GPR179: variants seen among roughly 807,000 people sequenced by gnomAD.
The protein encoded by GPR179 is probable G protein-coupled receptor 179.
Under a neutral mutation model 70.8 loss-of-function variants are expected in GPR179, and 52 were observed. The observed-to-expected ratio is 0.73, with a 90% confidence interval of 0.59 to 0.93. The LOEUF (loss-of-function observed/expected upper bound fraction) is 0.93, where lower values mean the gene tolerates loss of function less well. Ranked by LOEUF, GPR179 falls within the 40% of genes least tolerant of loss-of-function variation. The probability of loss-of-function intolerance (pLI) is 0.00; values close to 1 mark genes in which losing one functional copy is unlikely to be tolerated. For synonymous variants in GPR179, 1,123 were observed against 1,169.0 expected, an observed-to-expected ratio of 0.96 and a Z score of 0.80; for missense variants, 2,734 against 2,966.8, an observed-to-expected ratio of 0.92 and a Z score of 1.82.
Position 38,326,616 on chromosome 17 carries a change from A to G in GPR179, c.6953T>C (p.Leu2318Pro), listed in dbSNP as rs765067426. 17 of 1,614,134 alleles carry G rather than the reference A, an allele frequency of 1.1e-5. No individual in the cohort carries two copies. Among genetic ancestry groups the G allele is most frequent in the Non-Finnish European group, 1.4e-5 (16 of 1,180,058 alleles). The change falls in exon 11 of 11, where the codon CTT (leucine) becomes CCT (proline). Residue 2318 changes from leucine to proline, a missense_variant. Coordinates refer to ENST00000616987, the MANE Select transcript of GPR179 (RefSeq NM_001004334.4). ...GVRELQGPSG[L>P]EPRTSLAPEP... ...TGGGGCTAAGCTGGTCCTTGGCTCA[A>G]GCCCTGAAGGTCCTTGTAGTTCTCT...
chr17:38,334,826 C>G lies in GPR179; in HGVS notation c.1662G>C (p.Leu554=), dbSNP rs755572500. The change falls in exon 8 of 11, where the codon CTG becomes CTC. Residue 554 remains leucine (L), a synonymous_variant. Coordinates refer to ENST00000616987, the MANE Select transcript of GPR179 (RefSeq NM_001004334.4). This position sits in a 1 kb window ranked among gnomAD's most constrained non-coding sequence, Gnocchi z 4.7. ...YIMVVAELLL[L]CWGSFLCYAT... ...CGTAGCAGAGGAAGCTGCCCCAGCACAGCAGCAGCAGCTCAGCTGTGGGGA... is the reference window on the plus strand; with the variant it reads ...CGTAGCAGAGGAAGCTGCCCCAGCAGAGCAGCAGCAGCTCAGCTGTGGGGA... 3.7e-6 allele frequency: 6 copies of G among 1,611,460 alleles called. No homozygotes were observed. In the African/African-American group the frequency reaches 8.0e-5, roughly 22 times the overall value.
Position 38,327,035 on chromosome 17 carries a change from C to T in GPR179, c.6534G>A (p.Glu2178=). ...HFSKAAAKPR[E]QEAVCPGEGT... ...CTTCCCCAGGGCAGACTGCCTCCTGCTCTCTGGGCTTTGCTGCTGCTTTTG... is the reference window on the plus strand; with the variant it reads ...CTTCCCCAGGGCAGACTGCCTCCTGTTCTCTGGGCTTTGCTGCTGCTTTTG... Residue 2178 remains glutamate (E), a synonymous_variant, in exon 11 of 11, where the codon GAG becomes GAA. Coordinates refer to ENST00000616987, the MANE Select transcript of GPR179 (RefSeq NM_001004334.4). 1.2e-6 allele frequency: 2 copies of T among 1,614,230 alleles called. No homozygotes were observed. The highest frequency in any genetic ancestry group is 1.3e-5 in the African/African-American group (1 of 75,076).
intron 1 of GPR179, among the ~76,000 whole-genome samples, chr17:38,340,638 C>T (rs566136166): frequency 1.3e-5 from 2 of 150,798 alleles, no homozygotes; most frequent in Non-Finnish European, 3.0e-5. Flanking sequence ...GCTAAATAGG[C>T]GGGGTGCAGT....
At position 38,335,744 on chromosome 17, in the gene GPR179, G is replaced by T. The variant is rs2037399385; in HGVS notation, c.1297-44C>A. On this transcript the variant is annotated intron_variant, in intron 5 of 10. Transcript: ENST00000616987. Reference sequence around the variant, plus strand: ...AATCTCTGCTCTCTACTATGCTTCTGCTGTGGGCCAGGCCTATGCTAAGCA... The same window carrying T: ...AATCTCTGCTCTCTACTATGCTTCTTCTGTGGGCCAGGCCTATGCTAAGCA... 4 of 1,314,716 alleles carry T rather than the reference G, an allele frequency of 3.0e-6. No homozygotes were observed. The East Asian group carries it at 6.9e-5, about 23-fold the overall frequency. The allele number at this position is 1,314,716 out of a possible 1,614,324, so 81.4% of individuals were successfully genotyped here.
Position 38,326,992 on chromosome 17 carries a change from G to C in GPR179, c.6577C>G (p.Leu2193Val). 6.2e-7 allele frequency: 1 copy of C among 1,614,104 alleles called. No homozygotes were observed. ...CPGEGTGSGG[L>V]LPQSGALDPE... ...TCCAGGGCACCTGACTGGGGCAAGAGCCCTCCTGAGCCTGTGCCTTCCCCA... is the reference window on the plus strand; with the variant it reads ...TCCAGGGCACCTGACTGGGGCAAGACCCCTCCTGAGCCTGTGCCTTCCCCA... The change falls in exon 11 of 11, where the codon CTC becomes GTC. Residue 2193 changes from leucine (L) to valine (V), a missense_variant. Transcript: ENST00000616987.
Position 38,331,170 on chromosome 17 carries a change from C to A in GPR179, c.2399G>T (p.Arg800Leu), listed in dbSNP as rs757083724. ...CTCCACCGACTCCCGGCTCTCTGTTCGAGAGGCCTTCTTGGCCAGCTTCCT... is the reference window on the plus strand; with the variant it reads ...CTCCACCGACTCCCGGCTCTCTGTTAGAGAGGCCTTCTTGGCCAGCTTCCT... ...LRRKLAKKASRTESRESVEGP... is the reference protein window; with the variant it reads ...LRRKLAKKASLTESRESVEGP... Residue 800 changes from arginine to leucine, a missense_variant, in exon 11 of 11, where the codon CGA (arginine) becomes CTA (leucine). Coordinates refer to ENST00000616987, the MANE Select transcript of GPR179 (RefSeq NM_001004334.4). The A allele has an allele frequency of 6.2e-7, 1 of 1,608,478 alleles. No homozygotes were observed.
In GPR179 at chr17:38,326,394, A is replaced by G; in HGVS notation, c.*71T>C. On this transcript the variant is annotated 3_prime_UTR_variant, in exon 11 of 11. Transcript: ENST00000616987. ...GCTGTCTTTGATTCAGCTCTTTGGG[A>G]ACACCTGGACTTGGAAAGGGCCTTG... is the stretch of plus-strand genomic sequence containing the variant. 1 of 1,200,664 alleles carries G rather than the reference A, an allele frequency of 8.3e-7. No homozygotes were observed. The highest frequency in any genetic ancestry group is 2.3e-5 in the East Asian group (1 of 42,632). The allele number at this position is 1,200,664 out of a possible 1,614,324, so 74.4% of individuals were successfully genotyped here. A position where few individuals can be genotyped will look rare whatever the true frequency, so the allele number is the denominator to read the frequency against.
rs752387073 is a variant in GPR179 at position 38,329,584 on chromosome 17, C to T, written c.3985G>A (p.Gly1329Arg). The T allele has an allele frequency of 1.3e-5, 21 of 1,614,080 alleles. No individual in the cohort carries two copies. The East Asian group carries it at 4.0e-4, about 31-fold the overall frequency. Reference protein sequence around the residue: ...AVCPWESADRGGLSPGSAPQD... With the variant: ...AVCPWESADRRGLSPGSAPQD... ...GGAGCTGACCCAGGGGACAGACCTC[C>T]TCGATCGGCACTCTCCCAGGGACAC... The change falls in exon 11 of 11, where the codon GGA becomes AGA. Residue 1329 changes from glycine to arginine, a missense_variant. Gly to Arg is a moderately radical substitution (Grantham distance 125, BLOSUM62 -2). Coordinates refer to ENST00000616987, the MANE Select transcript of GPR179 (RefSeq NM_001004334.4).
Position 38,343,791 on chromosome 17 carries a change from C to G in GPR179, c.-2G>C. 1 of 1,496,590 alleles carries G rather than the reference C, an allele frequency of 6.7e-7. No individual in the cohort carries two copies. The highest frequency in any genetic ancestry group is 8.9e-7 in the Non-Finnish European group (1 of 1,126,366). The allele number at this position is 1,496,590 out of a possible 1,614,324, so 92.7% of individuals were successfully genotyped here. On this transcript the variant is annotated 5_prime_UTR_variant, in exon 1 of 11. Transcript: ENST00000616987. This position sits in a 1 kb window ranked among gnomAD's most constrained non-coding sequence, Gnocchi z 4.2. ...CATGACCGCTCCCCTGGTGCCCATCCTTGGGGCAGCTCTCAGGACCCTGGG... is the reference window on the plus strand; with the variant it reads ...CATGACCGCTCCCCTGGTGCCCATCGTTGGGGCAGCTCTCAGGACCCTGGG...
chr17:38,337,859 C>T (rs1019246788), intron 2 of GPR179, 139 bp from the exon 3 acceptor site: 2 of 693,630 alleles, frequency 2.9e-6, no homozygotes, highest in African/African-American at 3.7e-5. Flanking sequence ...TCCAGAAGCC[C>T]TCTCTAGTCC....
rs1251555533 is a variant in GPR179 at position 38,328,897 on chromosome 17, C to A, written c.4672G>T (p.Gly1558Cys). ...PCLDNSSSKA[G>C]SQFLCNGGSR... ...CCTCCATTGCATAGGAATTGGCTAC[C>A]AGCTTTGGATGAGGAATTGTCTAGA... is the stretch of plus-strand genomic sequence containing the variant. Residue 1558 changes from glycine (G) to cysteine (C), a missense_variant, in exon 11 of 11, where the codon GGT becomes TGT. By Grantham distance (159) the Gly-to-Cys change is radical. Coordinates refer to ENST00000616987, the MANE Select transcript of GPR179 (RefSeq NM_001004334.4). 2 of 1,614,056 alleles carry A rather than the reference C, an allele frequency of 1.2e-6. No individual in the cohort carries two copies. Among genetic ancestry groups the A allele is most frequent in the South Asian group, 2.2e-5 (2 of 91,080 alleles).
At chr17:38,341,843 T>C (rs1489352577) in intron 1 of GPR179, among the ~76,000 whole-genome samples, 1 of 151,926 alleles carries the variant, frequency 6.6e-6, no homozygotes, top group Admixed American at 6.6e-5. Flanking sequence ...TTCCGCTGGG[T>C]GTGGTGGCTC....
At chr17:38,336,737 G>A (rs1487031762) in intron 4 of GPR179, among the ~76,000 whole-genome samples, 1 of 152,188 alleles carries the variant, frequency 6.6e-6, no homozygotes, top group Non-Finnish European at 1.5e-5. Flanking sequence ...TTTGAGCCTA[G>A]GCAGTGTTTT....
rs1439821950 is a variant in GPR179, at chr17:38,335,192, G to A, written c.1486C>T (p.Leu496=). Residue 496 remains leucine, a synonymous_variant, in exon 7 of 11, where the codon CTG becomes TTG. Transcript: ENST00000616987. ...AAGCCCAGCACAGGTAGCAGGAGCA[G>A]CCCCAGGTGCCGCAGCAGCCGCCCG... The part of the protein sequence containing the change: ...SSGRLLRHLG[L]LLLPVLGFLA... The A allele has an allele frequency of 2.6e-6, 4 of 1,562,988 alleles. No individual in the cohort carries two copies. In the Admixed American group the frequency reaches 5.8e-5, roughly 23 times the overall value.
rs969257993 is a variant in GPR179, at chr17:38,334,154, C to T, written c.1785-116G>A. ...CCCTGATACGCTTAGGACGAGGGGG[C>T]ATTCTGCCCTCTCCTGCCCTCTCCA... On this transcript the variant is annotated intron_variant, in intron 8 of 10. Coordinates refer to ENST00000616987, the MANE Select transcript of GPR179 (RefSeq NM_001004334.4). The surrounding 1 kb of genome is among the most constrained non-coding windows in gnomAD (Gnocchi z 4.7). 2 of 763,244 alleles carry T rather than the reference C, an allele frequency of 2.6e-6. No individual in the cohort carries two copies. Among genetic ancestry groups the T allele is most frequent in the South Asian group, 1.5e-5 (1 of 67,486 alleles). The allele number at this position is 763,244 out of a possible 1,614,324, so 47.3% of individuals were successfully genotyped here. A position where few individuals can be genotyped will look rare whatever the true frequency, so the allele number is the denominator to read the frequency against.
rs552087722 is a variant in GPR179 at position 38,343,370 on chromosome 17, C to T, written c.420G>A (p.Gly140=). 1 of 1,614,168 alleles carries T rather than the reference C, an allele frequency of 6.2e-7. No homozygotes were observed. The highest frequency in any genetic ancestry group is 1.1e-5 in the South Asian group (1 of 91,088). The change falls in exon 1 of 11, where the codon GGG becomes GGA. Residue 140 remains glycine, a synonymous_variant. Transcript: ENST00000616987. This position sits in a 1 kb window ranked among gnomAD's most constrained non-coding sequence, Gnocchi z 4.2. Reference sequence around the variant, plus strand: ...GCAAAGCCCTGTACACTCTTGGGTCCCCCTCGGCCACGCTGCGGACCAGTG... The same window carrying T: ...GCAAAGCCCTGTACACTCTTGGGTCTCCCTCGGCCACGCTGCGGACCAGTG... ...YQALVRSVAE[G]DPRVYRALLT...
rs2037272750 is a variant in GPR179, at chr17:38,325,041, T to A, written c.*1424A>T. 6.6e-6 allele frequency among the ~76,000 whole-genome samples: 1 copy of A among 152,172 alleles called. No individual in the cohort carries two copies. Among genetic ancestry groups the A allele is most frequent in the Non-Finnish European group, 1.5e-5 (1 of 68,036 alleles). ...TGTACTGTTGTACTGTTAGAGGGCG[T>A]GACTTACTGCCATCTTTAGTGCCCC... On this transcript the variant is annotated 3_prime_UTR_variant, in exon 11 of 11. Coordinates refer to ENST00000616987, the MANE Select transcript of GPR179 (RefSeq NM_001004334.4).
rs748850458 is a variant in GPR179, at chr17:38,339,519, C to T, written c.801G>A (p.Gln267=). 1 of 1,612,954 alleles carries T rather than the reference C, an allele frequency of 6.2e-7. No individual in the cohort carries two copies. Among genetic ancestry groups the T allele is most frequent in the South Asian group, 1.1e-5 (1 of 91,050 alleles). ...KPDLSPEVRG[Q]VQMDVDLQSV... is the part of the protein sequence containing the mutation. ...TCTGGAGATCTACGTCCATCTGCACCTGCCCCCTACGGCAGTGAATTGGCA... is the reference window on the plus strand; with the variant it reads ...TCTGGAGATCTACGTCCATCTGCACTTGCCCCCTACGGCAGTGAATTGGCA... Residue 267 remains glutamine (Q), a synonymous_variant, in exon 2 of 11, where the codon CAG becomes CAA. Coordinates refer to ENST00000616987, the MANE Select transcript of GPR179 (RefSeq NM_001004334.4).
chr17:38,331,177 C>G lies in GPR179; in HGVS notation c.2392G>C (p.Ala798Pro), dbSNP rs78470373. 8 of 1,608,522 alleles carry G rather than the reference C, an allele frequency of 5.0e-6. No homozygotes were observed. In the East Asian group the frequency reaches 6.7e-5, roughly 13 times the overall value. ...SLLRRKLAKK[A>P]SRTESRESVE... ...GACTCCCGGCTCTCTGTTCGAGAGGCCTTCTTGGCCAGCTTCCTCCTCAGC... is the reference window on the plus strand; with the variant it reads ...GACTCCCGGCTCTCTGTTCGAGAGGGCTTCTTGGCCAGCTTCCTCCTCAGC... The change falls in exon 11 of 11, where the codon GCC becomes CCC. Residue 798 changes from alanine (A) to proline (P), a missense_variant. Transcript: ENST00000616987.
Sources: gnomAD v4.1 joint callset for allele counts (sites outside exome capture counted in the v4.1 genomes callset) on GRCh38, gnomAD v4.1.1 for gene constraint, Gnocchi (gnomAD v3.1) non-coding constraint, MANE v1.5 for transcripts, NCBI Gene and HGNC (gene_info 2026-07-23, HGNC 2026-07-21) for gene names.